The following GNAQ variants were observed in gnomAD, a reference collection of about 807,000 sequenced individuals.
GNAQ encodes guanine nucleotide-binding protein G(q) subunit alpha.
GNAQ carries 8 observed loss-of-function variants against 43.9 expected under a neutral mutation model. The ratio of observed to expected loss-of-function variants is 0.18; its 90% CI spans 0.11 to 0.33. The LOEUF (loss-of-function observed/expected upper bound fraction) is 0.33, where lower values mean the gene tolerates loss of function less well. Among genes scored for constraint, GNAQ ranks in the 10% least tolerant of loss-of-function variants. The pLI is 1.00. For missense variants in GNAQ, 158 were observed against 450.8 expected, an observed-to-expected ratio of 0.35 and a Z score of 5.88; for synonymous variants, 155 against 170.7, an observed-to-expected ratio of 0.91 and a Z score of 0.71.
intron 2 of GNAQ, among the ~76,000 whole-genome samples, chr9:77,831,616 C>T (rs1390747087): frequency 1.3e-5 from 2 of 152,182 alleles, no homozygotes; most frequent in East Asian, 3.8e-4. Context: ...ACAGAATTAT[C>T]TGTTTCATAC....
intron 5 of GNAQ, among the ~76,000 whole-genome samples, chr9:77,729,396 C>T (rs572825986): frequency 6.6e-6 from 1 of 152,144 alleles, no homozygotes; most frequent in Admixed American, 6.5e-5. Flanking sequence ...ACTTTCAAGC[C>T]TACCTTGGTA....
chr9:77,887,040 T>C (rs981541156), intron 2 of GNAQ, among the ~76,000 whole-genome samples: 1 of 152,086 alleles, frequency 6.6e-6, no homozygotes, highest in African/African-American at 2.4e-5. Context: ...GAGAATCTCT[T>C]GAACCTGGGA....
In GNAQ at chr9:77,752,336, T is replaced by C. The variant is rs184208174; in HGVS notation, c.736-23669A>G. Among the ~76,000 whole-genome samples, 6 of 152,336 alleles carry C rather than the reference T, an allele frequency of 3.9e-5. No homozygotes were observed. In the East Asian group the frequency reaches 1.2e-3, roughly 29 times the overall value. The stretch of plus-strand genomic sequence containing the variant: ...TTCTAATGTTTCATTTAGATCCTTA[T>C]TAGGAAGTGACTACTCTATCTGAGT... On this transcript the variant is annotated intron_variant, in intron 5 of 6. Transcript: ENST00000286548.
chr9:77,817,376 T>C (rs1385905147), intron 2 of GNAQ, among the ~76,000 whole-genome samples: 6 of 145,446 alleles, frequency 4.1e-5, no homozygotes, highest in African/African-American at 1.5e-4. Context: ...AGATGTTCAA[T>C]AAATATTTGT....
At chr9:77,850,844 G>A (rs775061061) in intron 2 of GNAQ, among the ~76,000 whole-genome samples, 50 of 151,868 alleles carry the variant, frequency 3.3e-4, no homozygotes, top group Non-Finnish European at 6.6e-4. Context: ...CGTGACCCTC[G>A]CCTGCCTCTT....
intron 1 of GNAQ, among the ~76,000 whole-genome samples, chr9:77,958,113 A>G (rs1187924270): frequency 6.6e-6 from 1 of 152,230 alleles, no homozygotes; most frequent in Non-Finnish European, 1.5e-5. Context: ...TAGAGTAGCT[A>G]TTAACTGATA....
At chr9:77,745,941 A>G (rs1359188000) in intron 5 of GNAQ, among the ~76,000 whole-genome samples, 1 of 152,122 alleles carries the variant, frequency 6.6e-6, no homozygotes, top group East Asian at 1.9e-4. Flanking sequence ...AAGAATACCT[A>G]TACCAAAAGA....
At chr9:77,963,165 C>G (rs1823126470) in intron 1 of GNAQ, among the ~76,000 whole-genome samples, 1 of 151,834 alleles carries the variant, frequency 6.6e-6, no homozygotes, top group Admixed American at 6.6e-5. Context: ...AGGACAATGC[C>G]CCAAAGAAAT....
chr9:77,757,634 A>C (rs1258996694), intron 5 of GNAQ, among the ~76,000 whole-genome samples: 1 of 152,170 alleles, frequency 6.6e-6, no homozygotes, highest in Non-Finnish European at 1.5e-5. Flanking sequence ...ATGTTACCAA[A>C]CCATCAGCTA....
In GNAQ at chr9:77,825,179, ATT is replaced by A. The variant is rs1564121920; in HGVS notation, c.322-9411_322-9410del. ...TTTAGAAACAAAAATACAGTACTTA[ATT>A]TTTTGTTAAACATGCATTTTCAAGT... is the stretch of plus-strand genomic sequence containing the variant. On this transcript the variant is annotated intron_variant, in intron 2 of 6. Coordinates refer to ENST00000286548, the MANE Select transcript of GNAQ (RefSeq NM_002072.5). Among the ~76,000 whole-genome samples the A allele has an allele frequency of 1.6e-4, 24 of 152,326 alleles. No homozygotes were observed. In the South Asian group the frequency reaches 5.0e-3, roughly 32 times the overall value.
chr9:78,016,482 G>A (rs1340976544), intron 1 of GNAQ, among the ~76,000 whole-genome samples: 4 of 152,046 alleles, frequency 2.6e-5, no homozygotes, highest in African/African-American at 7.2e-5. Flanking sequence ...CCAGGAGATC[G>A]AGACCATCCT....
intron 2 of GNAQ, among the ~76,000 whole-genome samples, chr9:77,844,998 T>G (rs916479979): frequency 6.6e-6 from 1 of 152,206 alleles, no homozygotes; most frequent in Non-Finnish European, 1.5e-5. Flanking sequence ...TTAAAAACTA[T>G]CTTACTTATT....
chr9:77,802,949 G>A (rs956424476), intron 3 of GNAQ, among the ~76,000 whole-genome samples: 1 of 151,654 alleles, frequency 6.6e-6, no homozygotes, highest in African/African-American at 2.4e-5. Flanking sequence ...AAGAAACCCC[G>A]AGCTCAATAT....
At chr9:77,844,417 T>C (rs983709188) in intron 2 of GNAQ, among the ~76,000 whole-genome samples, 1 of 152,214 alleles carries the variant, frequency 6.6e-6, no homozygotes, top group Admixed American at 6.5e-5. Context: ...GATTTTTCTT[T>C]ATATTATTTC....
chr9:77,916,234 C>A (rs1828901781), intron 2 of GNAQ, among the ~76,000 whole-genome samples: 1 of 152,094 alleles, frequency 6.6e-6, no homozygotes, highest in East Asian at 1.9e-4. Context: ...AAGCAGAGAA[C>A]CTTGACTGAT....
At chr9:77,984,299 A>G (rs1823406980) in intron 1 of GNAQ, among the ~76,000 whole-genome samples, 1 of 151,330 alleles carries the variant, frequency 6.6e-6, no homozygotes, top group Non-Finnish European at 1.5e-5. Context: ...CCTCCTGAGT[A>G]GCTGAGACTA....
intron 1 of GNAQ, among the ~76,000 whole-genome samples, chr9:77,998,282 C>A (rs749277804): frequency 2.1e-4 from 32 of 152,196 alleles, no homozygotes; most frequent in Non-Finnish European, 3.4e-4. Context: ...CTCATGCTGC[C>A]TTTTTTGTCT....
At chr9:77,894,572 G>A (rs1233974887) in intron 2 of GNAQ, among the ~76,000 whole-genome samples, 10 of 150,380 alleles carry the variant, frequency 6.6e-5, no homozygotes, top group Admixed American at 2.0e-4. Flanking sequence ...ACAGGTGCAC[G>A]TCACCATGCC....
At chr9:77,839,035 G>T (rs1827440979) in intron 2 of GNAQ, among the ~76,000 whole-genome samples, 1 of 151,962 alleles carries the variant, frequency 6.6e-6, no homozygotes, top group Admixed American at 6.6e-5. Flanking sequence ...CTTCTTTGGG[G>T]TCCATACTGG....
Sources: gnomAD v4.1 joint callset for allele counts (sites outside exome capture counted in the v4.1 genomes callset) on GRCh38, gnomAD v4.1.1 for gene constraint, MANE v1.5 for transcripts, NCBI Gene and HGNC (gene_info 2026-07-23, HGNC 2026-07-21) for gene names.